TRIM50: variants seen among roughly 807,000 people sequenced by gnomAD.
TRIM50 encodes tripartite motif containing 50.
Under a neutral mutation model 44.9 loss-of-function variants are expected in TRIM50, and 34 were observed. The ratio of observed to expected loss-of-function variants is 0.76; its 90% CI spans 0.58 to 1.01. The LOEUF is 1.01. Among genes scored for constraint, TRIM50 ranks in the 50% least tolerant of loss-of-function variants. TRIM50 has a pLI of 0.00. For missense variants in TRIM50, 633 were observed against 663.7 expected, an observed-to-expected ratio of 0.95 and a Z score of 0.51; for synonymous variants, 307 against 291.1, an observed-to-expected ratio of 1.05 and a Z score of -0.56.
At chr7:73,326,335 T>G (rs2115789321) in intron 1 of TRIM50, among the ~76,000 whole-genome samples, 1 of 152,140 alleles carries the variant, frequency 6.6e-6, no homozygotes, top group South Asian at 2.1e-4. Context: ...ACTCCCGGCC[T>G]CAAGCAATCC....
intron 5 of TRIM50, 148 bp downstream of exon 5, chr7:73,318,539 C>T: frequency 1.3e-6 from 2 of 1,538,374 alleles, no homozygotes; most frequent in Non-Finnish European, 1.8e-6. Context: ...ACATGACTTT[C>T]CTCTGTTTTT....
intron 3 of TRIM50, among the ~76,000 whole-genome samples, chr7:73,319,783 G>A (rs1393613574): frequency 6.6e-6 from 1 of 152,168 alleles, no homozygotes; most frequent in Non-Finnish European, 1.5e-5. Flanking sequence ...GCCTCTCCAC[G>A]CCTGAGCACC....
chr7:73,319,101 G>T (rs1254373711), intron 3 of TRIM50, 49 bp from the exon 4 acceptor site: 1 of 1,613,632 alleles, frequency 6.2e-7, no homozygotes, highest in Non-Finnish European at 8.5e-7. Flanking sequence ...GAGCTGCCAG[G>T]CTCTGTCTGG....
chr7:73,321,357 C>T (rs1292686834), intron 2 of TRIM50, among the ~76,000 whole-genome samples: 1 of 152,068 alleles, frequency 6.6e-6, no homozygotes. Flanking sequence ...ACTCTGTGGT[C>T]ACCAGCAGAT....
chr7:73,316,915 G>A, intron 5 of TRIM50: 1 of 498,836 alleles, frequency 2.0e-6, no homozygotes, highest in South Asian at 4.5e-5. Context: ...CAGGTTTGGG[G>A]ACCAGCAGTG....
chr7:73,312,998 T>C lies in TRIM50; in HGVS notation c.1387A>G (p.Ser463Gly), dbSNP rs1554543211. The change falls in exon 7 of 7, where the codon AGC (serine) becomes GGC (glycine). Residue 463 changes from serine to glycine, a missense_variant. Ser to Gly is a moderately conservative substitution (Grantham distance 56, BLOSUM62 0). Coordinates refer to ENST00000333149, the MANE Select transcript of TRIM50 (RefSeq NM_178125.3). ...ILDTCWHERG[S>G]NSLPMVLPPP... is the part of the protein sequence containing the mutation. ...GGCAGCACCATGGGCAGCGAGTTGC[T>C]GCCCCTCTCGTGCCAGCAGGTGTCC... 6.4e-7 allele frequency: 1 copy of C among 1,553,656 alleles called. No homozygotes were observed. Among genetic ancestry groups the C allele is most frequent in the Non-Finnish European group, 8.7e-7 (1 of 1,148,164 alleles).
In TRIM50 at chr7:73,318,688, T is replaced by C. The variant is rs1393730258; in HGVS notation, c.748A>G (p.Arg250Gly). Residue 250 changes from arginine to glycine, a missense_variant and splice_region_variant, in exon 5 of 7, where the codon AGA becomes GGA. Arg to Gly is a moderately radical substitution (Grantham distance 125). Transcript: ENST00000333149. ...FIRKFHSMAS[R>G]AEMPQARPLE... ...CTGAGCTCTCTCCAAGGTTATTACC[T>C]GGAGGCCATGGAGTGGAACTTCTGG... The C allele has an allele frequency of 4.3e-6, 7 of 1,613,610 alleles. No individual in the cohort carries two copies. Among genetic ancestry groups the C allele is most frequent in the African/African-American group, 1.3e-5 (1 of 74,906 alleles).
rs1305379780 is a variant in TRIM50 at position 73,312,915 on chromosome 7, G to A, written c.*6C>T. On this transcript the variant is annotated 3_prime_UTR_variant, in exon 7 of 7. Transcript: ENST00000333149. The stretch of plus-strand genomic sequence containing the variant: ...GGCCTGTGGGCCGGCAGGACTCCGG[G>A]CGGCCCTACAGCTTGGTGGGCTGCT... 3.9e-6 allele frequency: 6 copies of A among 1,525,094 alleles called. No individual in the cohort carries two copies. Among genetic ancestry groups the A allele is most frequent in the Non-Finnish European group, 4.4e-6 (5 of 1,136,328 alleles). The allele number at this position is 1,525,094 out of a possible 1,614,324, so 94.5% of individuals were successfully genotyped here. A position where few individuals can be genotyped will look rare whatever the true frequency, so the allele number is the denominator to read the frequency against.
chr7:73,325,309 G>A (rs1804598682), intron 1 of TRIM50, among the ~76,000 whole-genome samples: 2 of 152,158 alleles, frequency 1.3e-5, no homozygotes, highest in Admixed American at 1.3e-4. Context: ...GTGAGACCCA[G>A]AACTCTACAC....
In TRIM50 at chr7:73,313,373, C is replaced by T. The variant is rs1554543509; in HGVS notation, c.1012G>A (p.Val338Ile). 1.1e-5 allele frequency: 17 copies of T among 1,594,902 alleles called. No individual in the cohort carries two copies. Among genetic ancestry groups the T allele is most frequent in the South Asian group, 9.0e-5 (8 of 88,408 alleles). The change falls in exon 7 of 7, where the codon GTC (valine) becomes ATC (isoleucine). Residue 338 changes from valine to isoleucine, a missense_variant. Transcript: ENST00000333149. This position sits in a 1 kb window ranked among gnomAD's most constrained non-coding sequence, Gnocchi z 4.9. ...CAGGAGAAGCCGCGGCTGGCCAGGA[C>T]GCAGGTGCTGTAGTCGAAGCGCTCA... The part of the protein sequence containing the change: ...QPERFDYSTC[V>I]LASRGFSCGR...
Position 73,319,010 on chromosome 7 carries a change from G to A in TRIM50, c.538C>T (p.Gln180Ter). Reference sequence around the variant, plus strand: ...TCATCCACCAGGTGGTGCAGCTCCTGGAACTCGCGGCGGATCACCCAGCTG... The same window carrying A: ...TCATCCACCAGGTGGTGCAGCTCCTAGAACTCGCGGCGGATCACCCAGCTG... ...VFSWVIRREF[Q>*]ELHHLVDEEK... The change falls in exon 4 of 7, where the codon CAG becomes TAG. Residue 180 changes from glutamine (Q) to a stop codon, truncating the protein, a stop_gained. Coordinates refer to ENST00000333149, the MANE Select transcript of TRIM50 (RefSeq NM_178125.3). LOFTEE classifies it high-confidence loss of function. 6.2e-7 allele frequency: 1 copy of A among 1,614,028 alleles called. No homozygotes were observed. Among genetic ancestry groups the A allele is most frequent in the South Asian group, 1.1e-5 (1 of 91,084 alleles).
intron 5 of TRIM50, chr7:73,316,929 G>T: frequency 2.3e-6 from 1 of 431,090 alleles, no homozygotes; most frequent in East Asian, 4.2e-5. Context: ...AGCAGTGTTG[G>T]TTGGAAAATG....
intron 6 of TRIM50, among the ~76,000 whole-genome samples, chr7:73,315,666 A>G (rs1554543945): frequency 1.3e-5 from 2 of 151,950 alleles, no homozygotes; most frequent in East Asian, 3.9e-4. Flanking sequence ...CTTCTTTTAT[A>G]TAAACCCTAT....
rs782092841 is a variant in TRIM50 at position 73,313,072 on chromosome 7, G to A, written c.1313C>T (p.Pro438Leu). The A allele has an allele frequency of 6.9e-6, 11 of 1,588,156 alleles. No individual in the cohort carries two copies. The highest frequency in any genetic ancestry group is 1.1e-5 in the South Asian group (1 of 87,100). The change falls in exon 7 of 7, where the codon CCG becomes CTG. Residue 438 changes from proline to leucine, a missense_variant. Coordinates refer to ENST00000333149, the MANE Select transcript of TRIM50 (RefSeq NM_178125.3). The surrounding 1 kb of genome is among the most constrained non-coding windows in gnomAD (Gnocchi z 4.9). ...GAAGTCGGCCTGGAAGGTGTAGAGC[G>A]GCCGCAGGTCATCGGGGCGGTCGGC... ...FDADRPDDLR[P>L]LYTFQADFQG...
intron 2 of TRIM50, among the ~76,000 whole-genome samples, chr7:73,321,679 T>C (rs1434311264): frequency 1.3e-5 from 2 of 152,210 alleles, no homozygotes; most frequent in African/African-American, 4.8e-5. Context: ...TTTGTACCCA[T>C]GCAATATACA....
Position 73,323,999 on chromosome 7 carries a change from C to T in TRIM50, c.399+390G>A, listed in dbSNP as rs558564864. On this transcript the variant is annotated intron_variant, in intron 2 of 6. Coordinates refer to ENST00000333149, the MANE Select transcript of TRIM50 (RefSeq NM_178125.3). ...AGGCTGCAGTGAGCCATGATCACAC[C>T]ACTGCACTCCAGCCTGGGCAACAGA... is the stretch of plus-strand genomic sequence containing the variant. Among the ~76,000 whole-genome samples, 6 of 151,816 alleles carry T rather than the reference C, an allele frequency of 4.0e-5. No homozygotes were observed. The East Asian group carries it at 9.7e-4, about 25-fold the overall frequency.
rs1554544085 is a variant in TRIM50, at chr7:73,316,552, G to A, written c.874+13C>T. On this transcript the variant is annotated intron_variant, in intron 6 of 6. Transcript: ENST00000333149. Reference sequence around the variant, plus strand: ...CGGCAGCCCTCAGGAAGGAGGACGGGTCAGGGCCTCACCTGGCAAAACTTT... The same window carrying A: ...CGGCAGCCCTCAGGAAGGAGGACGGATCAGGGCCTCACCTGGCAAAACTTT... 15 of 1,613,978 alleles carry A rather than the reference G, an allele frequency of 9.3e-6. No homozygotes were observed. The East Asian group carries it at 3.3e-4, about 36-fold the overall frequency.
intron 2 of TRIM50, among the ~76,000 whole-genome samples, chr7:73,324,168 G>A (rs1554545475): frequency 6.6e-6 from 1 of 152,172 alleles, no homozygotes; most frequent in Non-Finnish European, 1.5e-5. Flanking sequence ...AGGAAGGGGT[G>A]AGCACGTGAC....
At chr7:73,321,732 A>C (rs1487750189) in intron 2 of TRIM50, among the ~76,000 whole-genome samples, 2 of 152,176 alleles carry the variant, frequency 1.3e-5, no homozygotes, top group African/African-American at 2.4e-5. Context: ...GAGAGCTGCA[A>C]GGGGCTTTCA....
Sources: gnomAD v4.1 joint callset for allele counts (sites outside exome capture counted in the v4.1 genomes callset) on GRCh38, gnomAD v4.1.1 for gene constraint, Gnocchi (gnomAD v3.1) non-coding constraint, MANE v1.5 for transcripts, NCBI Gene and HGNC (gene_info 2026-07-23, HGNC 2026-07-21) for gene names.